The following SVOPL variants were observed in gnomAD, a reference collection of about 807,000 sequenced individuals.
SVOPL encodes SVOP like, also known as putative transporter SVOPL.
Under a neutral mutation model 61.0 loss-of-function variants are expected in SVOPL, and 60 were observed. The ratio of observed to expected loss-of-function variants is 0.98; its 90% confidence interval spans 0.80 to 1.22. The LOEUF is 1.22. Among genes scored for constraint, SVOPL ranks in the 50% most tolerant of loss-of-function variants. The pLI, the probability that SVOPL is intolerant of heterozygous loss-of-function variation, is 0.00. For missense variants in SVOPL, 662 were observed against 643.9 expected (o/e 1.03, Z -0.30); for synonymous variants, 279 against 250.0 (o/e 1.12, Z -1.09).
chr7:138,613,170 C>T (rs1799130149), intron 14 of SVOPL, among the ~76,000 whole-genome samples: 1 of 151,974 alleles, frequency 6.6e-6, no homozygotes, highest in Non-Finnish European at 1.5e-5. Flanking sequence ...CAGACGCGTG[C>T]CACCACGCCT....
At chr7:138,660,936 GA>G in intron 5 of SVOPL, 1 of 984,048 alleles carries the variant, frequency 1.0e-6, no homozygotes, top group Non-Finnish European at 1.2e-6. Context: ...ATTTGATAAG[GA>G]AAAATTATAT....
intron 4 of SVOPL, 109 bp from the exon 5 acceptor site, chr7:138,663,254 GTTAAT>G (rs1802081561): frequency 6.5e-6 from 10 of 1,529,130 alleles, no homozygotes; most frequent in Non-Finnish European, 6.2e-6. Context: ...AGGGATGGAA[GTTAAT>G]TTAAAGAACA....
chr7:138,662,410 C>T, intron 5 of SVOPL: 1 of 985,414 alleles, frequency 1.0e-6, no homozygotes, highest in Non-Finnish European at 1.2e-6. Flanking sequence ...TTAAGGGAGA[C>T]TTGCTCCCTC....
chr7:138,603,978 T>TTC (rs1340177322), intron 14 of SVOPL, among the ~76,000 whole-genome samples: 42 of 143,974 alleles, frequency 2.9e-4, no homozygotes, highest in Non-Finnish European at 2.0e-4. Context: ...TTTTTTTTTT[T>TTC]CATTGAGACA....
At chr7:138,655,723 G>A (rs1056626822) in intron 7 of SVOPL, among the ~76,000 whole-genome samples, 8 of 149,838 alleles carry the variant, frequency 5.3e-5, no homozygotes, top group Middle Eastern at 3.3e-3. Context: ...CTATATTTGT[G>A]TAATATAGAT....
In SVOPL at chr7:138,630,071, T is replaced by C. The variant is rs1459774027; in HGVS notation, c.841A>G (p.Thr281Ala). The stretch of plus-strand genomic sequence containing the variant: ...TACCATATGACCCAGATCTGTAATG[T>C]GGTCCGTAAATATTTAGCATCCAAT... Reference protein sequence around the residue: ...DLLDAKYLRTTLQIWVIWLGI... With the variant: ...DLLDAKYLRTALQIWVIWLGI... Residue 281 changes from threonine (T) to alanine (A), a missense_variant, in exon 10 of 16, where the codon ACA becomes GCA. By Grantham distance (58) the Thr-to-Ala change is moderately conservative (BLOSUM62 0). Coordinates refer to ENST00000674285, the MANE Select transcript of SVOPL (RefSeq NM_001139456.2). 1.2e-6 allele frequency: 2 copies of C among 1,613,970 alleles called. No individual in the cohort carries two copies. Among genetic ancestry groups the C allele is most frequent in the East Asian group, 2.2e-5 (1 of 44,876 alleles).
intron 9 of SVOPL, among the ~76,000 whole-genome samples, chr7:138,637,455 G>C (rs866720617): frequency 2.7e-5 from 1 of 36,694 alleles, no homozygotes; most frequent in Admixed American, 3.2e-4. Context: ...TAGATAGATA[G>C]ATATATATAT....
At position 138,649,117 on chromosome 7, in the gene SVOPL, G is replaced by C; in HGVS notation, c.555C>G (p.Ser185=). Residue 185 remains serine (S), a synonymous_variant, in exon 8 of 16, where the codon TCC becomes TCG. Transcript: ENST00000674285. ...PLSQVFWLAG[S]LLIIGLASVI... ...CAGAGGCCAAGCCAATGATGAGCAG[G>C]GAGCCCGCAAGCCAGAACACCTAGG... The C allele has an allele frequency of 6.2e-7, 1 of 1,613,706 alleles. No homozygotes were observed. Among genetic ancestry groups the C allele is most frequent in the Non-Finnish European group, 8.5e-7 (1 of 1,179,884 alleles).
At chr7:138,621,914 CTATGTATCTATCTATG>C (rs1799604500) in intron 13 of SVOPL, among the ~76,000 whole-genome samples, 1 of 80,958 alleles carries the variant, frequency 1.2e-5, no homozygotes, top group African/African-American at 5.1e-5. Flanking sequence ...ATGTATCTAT[CTATGTATCTATCTATG>C]TATCTATCTA....
rs1802040982 is a variant in SVOPL at position 138,662,444 on chromosome 7, G to A, written c.345+630C>T. 4 of 985,358 alleles carry A rather than the reference G, an allele frequency of 4.1e-6. No individual in the cohort carries two copies. The African/African-American group carries it at 7.0e-5, about 17-fold the overall frequency. The allele number at this position is 985,358 out of a possible 1,614,324, so 61.0% of individuals were successfully genotyped here. On this transcript the variant is annotated intron_variant, in intron 5 of 15. Transcript: ENST00000674285. ...TCCCAACCTACTTGGGTGCTCTGGG[G>A]GGTTAGAGACTTTATGGACACTCAC...
At position 138,597,221 on chromosome 7, in the gene SVOPL, A is replaced by G. The variant is rs1191566383; in HGVS notation, c.1354-691T>C. 2.3e-6 allele frequency: 3 copies of G among 1,289,506 alleles called. No homozygotes were observed. In the East Asian group the frequency reaches 1.7e-4, roughly 72 times the overall value. 79.9% of individuals were successfully genotyped at this position (1,289,506 alleles called of 1,614,324 possible). ...ATTAATCTCACAACGACAGTAAAGT[A>G]TGAAGTGGTTAACCAACAGCAAAGC... On this transcript the variant is annotated intron_variant, in intron 14 of 15. Coordinates refer to ENST00000674285, the MANE Select transcript of SVOPL (RefSeq NM_001139456.2).
In SVOPL at chr7:138,596,496, C is replaced by T; in HGVS notation, c.1388G>A (p.Cys463Tyr). The change falls in exon 15 of 16, where the codon TGT becomes TAT. Residue 463 changes from cysteine to tyrosine, a missense_variant. Coordinates refer to ENST00000674285, the MANE Select transcript of SVOPL (RefSeq NM_001139456.2). ...TACAACACAGACAGATGAGAAGAGA[C>T]ACAGGGCCCCCAGTATTGATGCACT... The part of the protein sequence containing the change: ...LMSASILGAL[C>Y]LFSSVCVVCA... 6.2e-7 allele frequency: 1 copy of T among 1,613,842 alleles called. No individual in the cohort carries two copies. The highest frequency in any genetic ancestry group is 1.1e-5 in the South Asian group (1 of 91,054).
intron 1 of SVOPL, among the ~76,000 whole-genome samples, chr7:138,698,587 A>C (rs1803123627): frequency 6.6e-6 from 1 of 152,142 alleles, no homozygotes; most frequent in Non-Finnish European, 1.5e-5. Context: ...ACCTCCAGAC[A>C]CCACGTATGA....
At chr7:138,642,777 C>T (rs1050428753) in intron 9 of SVOPL, among the ~76,000 whole-genome samples, 1 of 147,556 alleles carries the variant, frequency 6.8e-6, no homozygotes, top group Non-Finnish European at 1.5e-5. Flanking sequence ...TTGCAGTAAG[C>T]CGAGATCACG....
chr7:138,645,242 G>A (rs1015443404), intron 8 of SVOPL, among the ~76,000 whole-genome samples: 2 of 152,082 alleles, frequency 1.3e-5, no homozygotes, highest in Non-Finnish European at 2.9e-5. Flanking sequence ...CAGGAACAGG[G>A]GGCTCCAGCA....
chr7:138,613,633 T>C (rs925873745), intron 14 of SVOPL, among the ~76,000 whole-genome samples: 2 of 152,032 alleles, frequency 1.3e-5, no homozygotes, highest in African/African-American at 4.8e-5. Flanking sequence ...GAGGACTACC[T>C]AAAAAAGCCT....
intron 13 of SVOPL, among the ~76,000 whole-genome samples, chr7:138,623,165 G>C (rs564897659): frequency 8.5e-5 from 13 of 152,254 alleles, no homozygotes; most frequent in African/African-American, 2.6e-4. Context: ...AGGTTGCTCT[G>C]ACTGAAAATA....
intron 9 of SVOPL, among the ~76,000 whole-genome samples, chr7:138,642,997 T>C (rs1277223408): frequency 2.0e-5 from 3 of 152,216 alleles, no homozygotes; most frequent in African/African-American, 7.2e-5. Context: ...ACTGGATCCC[T>C]TGTGCACTGT....
Position 138,659,994 on chromosome 7 carries a change from G to A in SVOPL, c.346-6C>T, listed in dbSNP as rs543166848. The A allele has an allele frequency of 2.9e-5, 45 of 1,551,486 alleles. No individual in the cohort carries two copies. The highest frequency in any genetic ancestry group is 5.9e-5 in the Admixed American group (3 of 50,974). On this transcript the variant is annotated splice_polypyrimidine_tract_variant and splice_region_variant and intron_variant, in intron 5 of 15. Coordinates refer to ENST00000674285, the MANE Select transcript of SVOPL (RefSeq NM_001139456.2). ...AGGAACGAGATGAGCAGAATCTGAA[G>A]CAACAGCAGAACACATGAATGGGAC... is the stretch of plus-strand genomic sequence containing the variant.
Sources: allele counts gnomAD v4.1 joint callset (sites outside exome capture counted in the v4.1 genomes callset), GRCh38; gene constraint gnomAD v4.1.1; transcripts MANE v1.5; gene names NCBI Gene and HGNC (gene_info 2026-07-23, HGNC 2026-07-21).